Variants in SLC15A1 observed in about 807,000 individuals in gnomAD.
SLC15A1 encodes the protein solute carrier family 15 member 1.
In SLC15A1, 83 loss-of-function variants were observed where a neutral mutation model predicts 92.9. The observed-to-expected ratio is 0.89, with a 90% confidence interval of 0.75 to 1.07. The LOEUF (loss-of-function observed/expected upper bound fraction) is 1.07. Among genes scored for constraint, SLC15A1 ranks in the 50% least tolerant of loss-of-function variants. The probability of loss-of-function intolerance (pLI) is 0.00; values close to 1 mark genes in which losing one functional copy is unlikely to be tolerated. For synonymous variants in SLC15A1, 322 were observed against 318.2 expected, an observed-to-expected ratio of 1.01 and a Z score of -0.13; for missense variants, 857 against 880.1, an observed-to-expected ratio of 0.97 and a Z score of 0.33.
intron 5 of SLC15A1, 102 bp downstream of exon 5, chr13:98,723,810 C>T (rs2088277728): frequency 2.0e-6 from 3 of 1,536,394 alleles, no homozygotes; most frequent in Admixed American, 1.8e-5. Context: ...GGAAAAACCT[C>T]CTTATGCTCT....
At chr13:98,696,446 C>T (rs1353899456) in intron 18 of SLC15A1, among the ~76,000 whole-genome samples, 1 of 151,444 alleles carries the variant, frequency 6.6e-6, no homozygotes, top group Middle Eastern at 3.4e-3. Context: ...AAAAACCCAA[C>T]AACAAAAAAA....
chr13:98,705,122 C>T (rs1172878780), intron 16 of SLC15A1, among the ~76,000 whole-genome samples: 1 of 148,972 alleles, frequency 6.7e-6, no homozygotes, highest in Non-Finnish European at 1.5e-5. Flanking sequence ...TCGCTTAAAC[C>T]CAGGAGGCAG....
intron 7 of SLC15A1, chr13:98,720,845 T>A (rs929422299): frequency 2.2e-5 from 7 of 316,724 alleles, no homozygotes; most frequent in Non-Finnish European, 3.1e-5. Flanking sequence ...GGGCAGGAGA[T>A]CGAGACCATC....
chr13:98,741,946 A>T (rs1566459949), intron 1 of SLC15A1, among the ~76,000 whole-genome samples: 2 of 152,168 alleles, frequency 1.3e-5, no homozygotes, highest in African/African-American at 4.8e-5. Flanking sequence ...CTTAGAAACC[A>T]TGTGGGGAAA....
chr13:98,720,152 A>C (rs2088244995), intron 7 of SLC15A1, among the ~76,000 whole-genome samples: 1 of 152,200 alleles, frequency 6.6e-6, no homozygotes, highest in Admixed American at 6.5e-5. Flanking sequence ...CACTCATGCA[A>C]ATGTTTCCTG....
At chr13:98,717,015 T>A (rs1023740704) in intron 8 of SLC15A1, among the ~76,000 whole-genome samples, 23 of 152,208 alleles carry the variant, frequency 1.5e-4, no homozygotes, top group African/African-American at 4.1e-4. Context: ...TGAGATCCTA[T>A]CTCTATCATC....
chr13:98,689,946 T>C (rs1383459171), intron 18 of SLC15A1, among the ~76,000 whole-genome samples: 2 of 152,206 alleles, frequency 1.3e-5, no homozygotes, highest in Non-Finnish European at 2.9e-5. Context: ...TTTGCCTTCA[T>C]AGGACCATAC....
chr13:98,703,940 C>A (rs1238187216), intron 17 of SLC15A1, among the ~76,000 whole-genome samples: 1 of 152,040 alleles, frequency 6.6e-6, no homozygotes, highest in Non-Finnish European at 1.5e-5. Flanking sequence ...AAATTCAGTG[C>A]AATTAATTAT....
intron 1 of SLC15A1, among the ~76,000 whole-genome samples, chr13:98,744,261 A>T (rs2088473972): frequency 6.6e-6 from 1 of 150,596 alleles, no homozygotes; most frequent in South Asian, 2.1e-4. Context: ...AAAAAAAAAA[A>T]AAGAACCAAT....
At chr13:98,707,503 TG>T (rs2088122080) in intron 15 of SLC15A1, among the ~76,000 whole-genome samples, 1 of 151,890 alleles carries the variant, frequency 6.6e-6, no homozygotes, top group African/African-American at 2.4e-5. Flanking sequence ...AAAGGGGAAA[TG>T]GGAGTTGTTT....
intron 1 of SLC15A1, among the ~76,000 whole-genome samples, chr13:98,738,725 G>C (rs1422983649): frequency 6.6e-6 from 1 of 152,260 alleles, no homozygotes; most frequent in African/African-American, 2.4e-5. Context: ...TGCTGCAGGG[G>C]CGGAGCACTC....
rs2088440168 is a variant in SLC15A1 at position 98,741,107 on chromosome 13, G to T, written c.4+11488C>A. 1.3e-5 allele frequency among the ~76,000 whole-genome samples: 2 copies of T among 152,164 alleles called. 1 individual carries two copies. The highest frequency in any genetic ancestry group is 1.3e-4 in the Admixed American group (2 of 15,282). ...TCTGGTGTGGATTAGAAAAGTGTGGGCTTCTAGGCCGGATGCAGCCCAGTG... is the reference window on the plus strand; with the variant it reads ...TCTGGTGTGGATTAGAAAAGTGTGGTCTTCTAGGCCGGATGCAGCCCAGTG... On this transcript the variant is annotated intron_variant, in intron 1 of 22. Transcript: ENST00000376503.
chr13:98,738,795 G>A (rs1292739070), intron 1 of SLC15A1, among the ~76,000 whole-genome samples: 1 of 152,240 alleles, frequency 6.6e-6, no homozygotes. Context: ...CCCCCACACA[G>A]AGTCCCCATT....
intron 9 of SLC15A1, among the ~76,000 whole-genome samples, chr13:98,715,204 T>C (rs566808261): frequency 6.6e-6 from 1 of 152,330 alleles, no homozygotes; most frequent in African/African-American, 2.4e-5. Flanking sequence ...AGACAGAGTC[T>C]CCCTCTGTCG....
intron 11 of SLC15A1, among the ~76,000 whole-genome samples, chr13:98,711,138 C>A (rs1718356494): frequency 6.6e-6 from 1 of 152,178 alleles, no homozygotes; most frequent in Non-Finnish European, 1.5e-5. Context: ...CTATCACCAT[C>A]CTCCCTGCTC....
At chr13:98,730,991 C>A (rs2088346183) in intron 1 of SLC15A1, among the ~76,000 whole-genome samples, 2 of 152,330 alleles carry the variant, frequency 1.3e-5, no homozygotes, top group South Asian at 2.1e-4. Context: ...GCCCTCCCTG[C>A]AAGGTCACCT....
intron 8 of SLC15A1, among the ~76,000 whole-genome samples, chr13:98,718,908 C>T (rs1162353785): frequency 1.3e-5 from 2 of 152,216 alleles, no homozygotes; most frequent in Non-Finnish European, 2.9e-5. Flanking sequence ...CTGCCTTGGC[C>T]TCCCAAAGTG....
intron 1 of SLC15A1, among the ~76,000 whole-genome samples, chr13:98,742,839 G>A (rs755499470): frequency 6.6e-5 from 10 of 152,176 alleles, no homozygotes; most frequent in Admixed American, 2.6e-4. Context: ...GCAGTGGCAC[G>A]ATCATAGCTC....
chr13:98,750,003 G>T (rs2088529575), intron 1 of SLC15A1, among the ~76,000 whole-genome samples: 1 of 152,200 alleles, frequency 6.6e-6, no homozygotes, highest in South Asian at 2.1e-4. Flanking sequence ...TTCCTACCTG[G>T]GGCTTTCCAG....
Sources: allele counts gnomAD v4.1 joint callset (sites outside exome capture counted in the v4.1 genomes callset), GRCh38; gene constraint gnomAD v4.1.1; transcripts MANE v1.5; gene names NCBI Gene and HGNC (gene_info 2026-07-23, HGNC 2026-07-21).